Variants in DMD observed in about 807,000 individuals in gnomAD.
DMD encodes the protein dystrophin.
A neutral mutation model predicts 330.1 loss-of-function variants in DMD; 63 were observed. That is an observed-to-expected ratio of 0.19 (90% confidence interval 0.16 to 0.24). DMD has a LOEUF of 0.24. DMD is among the 10% of genes least tolerant of loss of function. The pLI, the probability that DMD is intolerant of heterozygous loss-of-function variation, is 1.00. For synonymous variants in DMD, 1,223 were observed against 959.8 expected (o/e 1.27, Z -5.07); for missense variants, 3,344 against 2,684.1 (o/e 1.25, Z -5.43).
intron 11 of DMD, among the ~76,000 whole-genome samples, chrX:32,621,485 CT>C (rs200710203): frequency 0.14 from 14,268 of 101,571 alleles, 1,975 homozygotes; most frequent in African/African-American, 0.41. Context: ...GTTTTATCTT[CT>C]TTTTTTTTTT....
intron 7 of DMD, among the ~76,000 whole-genome samples, chrX:32,751,320 A>G (rs1185911406): frequency 9.0e-6 from 1 of 111,091 alleles, no homozygotes; most frequent in Non-Finnish European, 1.9e-5. Flanking sequence ...CCAAGCTGAG[A>G]TGGTCTCAGA....
At chrX:33,046,345 GA>G (rs202205992) in intron 1 of DMD, among the ~76,000 whole-genome samples, 1 of 111,653 alleles carries the variant, frequency 9.0e-6, no homozygotes, top group Non-Finnish European at 1.9e-5. Context: ...GTGTGATACT[GA>G]AATTTTTTTT....
intron 2 of DMD, among the ~76,000 whole-genome samples, chrX:32,932,938 A>AT (rs1216728943): frequency 5.4e-5 from 6 of 111,351 alleles, no homozygotes; most frequent in South Asian, 7.6e-4. Flanking sequence ...ATAACTATAT[A>AT]TTTTTTTTCA....
intron 1 of DMD, among the ~76,000 whole-genome samples, chrX:33,225,246 A>G (rs1051474117): frequency 8.9e-6 from 1 of 111,957 alleles, no homozygotes; most frequent in African/African-American, 3.2e-5. Flanking sequence ...ATGGATTTAG[A>G]ATAGCTAAAA....
chrX:32,258,111 G>A (rs1320793136), intron 43 of DMD, among the ~76,000 whole-genome samples: 1 of 111,497 alleles, frequency 9.0e-6, no homozygotes, highest in Non-Finnish European at 1.9e-5. Context: ...AAACCACAAT[G>A]AGATACCATC....
chrX:32,551,232 A>C (rs187396634), intron 16 of DMD, among the ~76,000 whole-genome samples: 10 of 111,296 alleles, frequency 9.0e-5, no homozygotes, highest in African/African-American at 3.3e-4. Context: ...ATGCAAAAAT[A>C]GTCAACAGAA....
At chrX:31,623,404 C>T (rs2078669047) in intron 55 of DMD, among the ~76,000 whole-genome samples, 1 of 111,127 alleles carries the variant, frequency 9.0e-6, no homozygotes, top group Non-Finnish European at 1.9e-5. Context: ...GCTGGGACTA[C>T]AGGCGTACTC....
At chrX:31,724,673 T>A (rs899922266) in intron 52 of DMD, among the ~76,000 whole-genome samples, 5 of 111,881 alleles carry the variant, frequency 4.5e-5, no homozygotes, top group African/African-American at 1.3e-4. Context: ...TATTCTCCCA[T>A]CTCCAGTTCT....
At chrX:32,206,491 G>T (rs2097069933) in intron 44 of DMD, 7 of 569,022 alleles carry the variant, frequency 1.2e-5, no homozygotes, top group Non-Finnish European at 2.1e-5. Context: ...AATCGGAATG[G>T]AAAAGACTCA....
At chrX:32,438,792 T>A (rs2098270828) in intron 28 of DMD, among the ~76,000 whole-genome samples, 1 of 111,651 alleles carries the variant, frequency 9.0e-6, no homozygotes. Flanking sequence ...TTTTTGCACA[T>A]ACATGGCCTG....
chrX:32,075,791 G>A (rs759112860), intron 44 of DMD, among the ~76,000 whole-genome samples: 4 of 109,722 alleles, frequency 3.6e-5, no homozygotes, highest in Admixed American at 9.8e-5. Context: ...GCTGACGCCT[G>A]TAATCTCAGC....
chrX:31,393,206 G>A (rs751939898), intron 60 of DMD, among the ~76,000 whole-genome samples: 1 of 111,764 alleles, frequency 8.9e-6, no homozygotes, highest in East Asian at 2.8e-4. Flanking sequence ...GGCTGGGCAT[G>A]GTGGCTCATG....
At chrX:32,457,061 GA>G (rs112428143) in intron 25 of DMD, among the ~76,000 whole-genome samples, 1,092 of 101,290 alleles carry the variant, frequency 0.011, 16 homozygotes, top group African/African-American at 0.033. Flanking sequence ...GTAATAGGGG[GA>G]AAAAAAAAAG....
intron 60 of DMD, among the ~76,000 whole-genome samples, chrX:31,400,961 A>T (rs1041618065): frequency 1.8e-5 from 2 of 111,826 alleles, no homozygotes; most frequent in Admixed American, 9.5e-5. Flanking sequence ...CAGGAAAGCC[A>T]ATTTTCATTT....
At chrX:32,389,795 A>G in intron 31 of DMD, 121 bp from the exon 32 acceptor site, 2 of 733,496 alleles carry the variant, frequency 2.7e-6, no homozygotes, top group Admixed American at 5.4e-5. Flanking sequence ...AAAACAAAAT[A>G]AAGCAGTATT....
At chrX:31,255,204 A>T (rs545864908) in intron 63 of DMD, among the ~76,000 whole-genome samples, 1 of 111,477 alleles carries the variant, frequency 9.0e-6, no homozygotes, top group East Asian at 2.8e-4. Context: ...TTAACCACAT[A>T]ATTGCACTTC....
Position 32,407,179 on chromosome X carries a change from T to A in DMD, c.4233+4573A>T, listed in dbSNP as rs1435469010. On this transcript the variant is annotated intron_variant, in intron 30 of 78. Coordinates refer to ENST00000357033, the MANE Select transcript of DMD (RefSeq NM_004006.3). ...ACAGCAAAAGAAACTACCATCAGAG[T>A]GAACAGGCAACCTACAGAATGGGAG... Among the ~76,000 whole-genome samples, 7 of 110,471 alleles carry A rather than the reference T, an allele frequency of 6.3e-5. No individual in the cohort carries two copies. In the Admixed American group the frequency reaches 6.7e-4, roughly 11 times the overall value.
At chrX:31,223,348 A>C (rs749042776) in intron 63 of DMD, among the ~76,000 whole-genome samples, 1 of 112,482 alleles carries the variant, frequency 8.9e-6, no homozygotes, top group Non-Finnish European at 1.9e-5. Context: ...AGTTCTGTGA[A>C]GACTAAAGTG....
Position 31,407,985 on chromosome X carries a change from GAGACAAAC to G in DMD, c.9084+36488_9084+36495del, listed in dbSNP as rs1241815085. On this transcript the variant is annotated intron_variant, in intron 60 of 78. Coordinates refer to ENST00000357033, the MANE Select transcript of DMD (RefSeq NM_004006.3). Reference sequence around the variant, plus strand: ...GAAACAGGATAAAACTGGACATAATGAGACAAACAAACAAACAAACGCAAAGTGGTCTA... The same window carrying G: ...GAAACAGGATAAAACTGGACATAATGAAACAAACAAACGCAAAGTGGTCTA... Among the ~76,000 whole-genome samples the G allele has an allele frequency of 4.2e-4, 47 of 111,956 alleles. 1 individual carries two copies. Among genetic ancestry groups the G allele is most frequent in the African/African-American group, 1.5e-3 (46 of 30,867 alleles).
Sources: gnomAD v4.1 joint callset for allele counts (sites outside exome capture counted in the v4.1 genomes callset) on GRCh38, gnomAD v4.1.1 for gene constraint, MANE v1.5 for transcripts, NCBI Gene and HGNC (gene_info 2026-07-23, HGNC 2026-07-21) for gene names.